Variants in SGCZ observed in about 807,000 individuals in gnomAD.
The protein encoded by SGCZ is zeta-sarcoglycan.
A neutral mutation model predicts 41.3 loss-of-function variants in SGCZ; 40 were observed. That is an observed-to-expected ratio of 0.97 (90% CI 0.75 to 1.26). The LOEUF is 1.26. Among genes scored for constraint, SGCZ ranks in the 50% most tolerant of loss-of-function variants. The pLI is 0.00. For missense variants in SGCZ, 552 were observed against 369.8 expected, an observed-to-expected ratio of 1.49 and a Z score of -4.04; for synonymous variants, 206 against 137.5, an observed-to-expected ratio of 1.50 and a Z score of -3.49.
At chr8:14,489,053 AAAGT>A (rs1184985562) in intron 2 of SGCZ, among the ~76,000 whole-genome samples, 15 of 150,314 alleles carry the variant, frequency 1.0e-4, no homozygotes, top group African/African-American at 3.6e-4. Flanking sequence ...AACTGAACAT[AAAGT>A]AATTCAAATT....
intron 1 of SGCZ, among the ~76,000 whole-genome samples, chr8:15,126,357 C>A (rs933715388): frequency 1.3e-5 from 2 of 151,984 alleles, no homozygotes; most frequent in Non-Finnish European, 2.9e-5. Context: ...AAACTCTACC[C>A]GTTATTCCAT....
At chr8:14,273,599 T>C (rs1237739826) in intron 3 of SGCZ, among the ~76,000 whole-genome samples, 4 of 152,134 alleles carry the variant, frequency 2.6e-5, no homozygotes, top group Non-Finnish European at 5.9e-5. Flanking sequence ...TACTTTAAAG[T>C]TTTATACATT....
intron 2 of SGCZ, among the ~76,000 whole-genome samples, chr8:14,349,808 A>T (rs1803021314): frequency 6.6e-6 from 1 of 152,158 alleles, no homozygotes; most frequent in African/African-American, 2.4e-5. Flanking sequence ...ATCTTCTGGA[A>T]TAACAGTCCA....
At chr8:14,921,978 C>A (rs17120609) in intron 1 of SGCZ, among the ~76,000 whole-genome samples, 2,317 of 152,150 alleles carry the variant, frequency 0.015, 28 homozygotes, top group Middle Eastern at 0.058. Context: ...AGCAATATTT[C>A]TGGTGGTTTA....
intron 3 of SGCZ, among the ~76,000 whole-genome samples, chr8:14,242,589 G>C (rs1798929915): frequency 6.6e-6 from 1 of 152,144 alleles, no homozygotes; most frequent in African/African-American, 2.4e-5. Flanking sequence ...GCACAGATCA[G>C]AGCCTCCCTC....
chr8:14,794,944 C>T (rs770617194), intron 1 of SGCZ, among the ~76,000 whole-genome samples: 10 of 152,288 alleles, frequency 6.6e-5, no homozygotes, highest in Middle Eastern at 3.4e-3. Flanking sequence ...GATAAATTAT[C>T]AGCAGAGTTA....
chr8:14,133,792 T>C (rs1803113922), intron 5 of SGCZ, among the ~76,000 whole-genome samples: 1 of 152,230 alleles, frequency 6.6e-6, no homozygotes, highest in Admixed American at 6.5e-5. Context: ...AGCTTGGAGC[T>C]GCTGCTCCAT....
At chr8:15,085,698 T>C (rs1585547998) in intron 1 of SGCZ, among the ~76,000 whole-genome samples, 1 of 152,178 alleles carries the variant, frequency 6.6e-6, no homozygotes, top group Admixed American at 6.5e-5. Flanking sequence ...TCCTGGATAT[T>C]CTACCCACCA....
chr8:14,595,261 C>T (rs1285145521), intron 1 of SGCZ, among the ~76,000 whole-genome samples: 1 of 152,130 alleles, frequency 6.6e-6, no homozygotes, highest in Admixed American at 6.5e-5. Flanking sequence ...TTCAAAATAA[C>T]AGTATTTTTT....
At chr8:14,435,635 CA>C (rs1367467100) in intron 2 of SGCZ, among the ~76,000 whole-genome samples, 1 of 152,124 alleles carries the variant, frequency 6.6e-6, no homozygotes, top group Non-Finnish European at 1.5e-5. Context: ...TGTACAGATT[CA>C]AAAGTATTCT....
chr8:14,925,769 G>C (rs770610662), intron 1 of SGCZ, among the ~76,000 whole-genome samples: 1 of 152,028 alleles, frequency 6.6e-6, no homozygotes, highest in Non-Finnish European at 1.5e-5. Context: ...AGATGGACAG[G>C]AAAAGGACAG....
chr8:14,886,372 A>C (rs138939589), intron 1 of SGCZ, among the ~76,000 whole-genome samples: 3 of 152,270 alleles, frequency 2.0e-5, no homozygotes, highest in East Asian at 1.9e-4. Context: ...CATATGGTTT[A>C]TTAGACAGAG....
intron 3 of SGCZ, among the ~76,000 whole-genome samples, chr8:14,295,918 A>G (rs1800996005): frequency 6.6e-6 from 1 of 152,154 alleles, no homozygotes; most frequent in Non-Finnish European, 1.5e-5. Context: ...GTAGCCAAAC[A>G]TAAAGTAGCA....
At chr8:14,408,761 T>A (rs1799277920) in intron 2 of SGCZ, among the ~76,000 whole-genome samples, 1 of 152,102 alleles carries the variant, frequency 6.6e-6, no homozygotes, top group Admixed American at 6.6e-5. Context: ...ATTTTCTAAA[T>A]CCCTACATAG....
chr8:14,360,143 G>A (rs1267572559), intron 2 of SGCZ, among the ~76,000 whole-genome samples: 1 of 152,062 alleles, frequency 6.6e-6, no homozygotes, highest in Non-Finnish European at 1.5e-5. Flanking sequence ...GCAACAGACT[G>A]ACAGCTAGTA....
At chr8:14,966,807 C>A (rs545627722) in intron 1 of SGCZ, among the ~76,000 whole-genome samples, 6 of 152,066 alleles carry the variant, frequency 3.9e-5, no homozygotes, top group Admixed American at 3.3e-4. Context: ...GGGAACTCAG[C>A]AATATTTCAA....
chr8:14,619,218 AGG>A (rs1175557733), intron 1 of SGCZ, among the ~76,000 whole-genome samples: 1 of 152,106 alleles, frequency 6.6e-6, no homozygotes, highest in Non-Finnish European at 1.5e-5. Context: ...GATGCAGAAA[AGG>A]CCTTTGACAA....
At chr8:14,697,717 C>T (rs185863356) in intron 1 of SGCZ, among the ~76,000 whole-genome samples, 1 of 152,088 alleles carries the variant, frequency 6.6e-6, no homozygotes, top group Admixed American at 6.6e-5. Flanking sequence ...AAAACAATCA[C>T]TGAAAATCCA....
At chr8:14,971,000 T>G (rs192887842) in intron 1 of SGCZ, among the ~76,000 whole-genome samples, 1 of 152,206 alleles carries the variant, frequency 6.6e-6, no homozygotes, top group Non-Finnish European at 1.5e-5. Context: ...TTTATTCACA[T>G]CTTCTGTAAG....
Sources: gnomAD v4.1 joint callset for allele counts (sites outside exome capture counted in the v4.1 genomes callset) on GRCh38, gnomAD v4.1.1 for gene constraint, MANE v1.5 for transcripts, NCBI Gene and HGNC (gene_info 2026-07-23, HGNC 2026-07-21) for gene names.